Variants in PBRM1 observed in about 807,000 individuals in gnomAD.
PBRM1 encodes the protein protein polybromo-1.
PBRM1 carries 27 observed loss-of-function variants against 194.5 expected under a neutral mutation model. The observed-to-expected ratio is 0.14, with a 90% CI of 0.10 to 0.19. The LOEUF (loss-of-function observed/expected upper bound fraction) is 0.19. Ranked by LOEUF, PBRM1 falls within the 10% of genes least tolerant of loss-of-function variation. PBRM1 has a pLI of 1.00. For missense variants in PBRM1, 1,466 were observed against 2,077.2 expected (o/e 0.71, Z 5.72); for synonymous variants, 655 against 693.2 (o/e 0.94, Z 0.87).
intron 10 of PBRM1, 33 bp from the exon 12 acceptor site, chr3:52,634,848 C>T (rs762134043): frequency 4.9e-6 from 7 of 1,418,516 alleles, no homozygotes; most frequent in Non-Finnish European, 5.9e-6. Context: ...TATAAAGGGA[C>T]GAATGAGATG....
chr3:52,646,336 G>A (rs2096288127), intron 7 of PBRM1, among the ~76,000 whole-genome samples: 1 of 152,068 alleles, frequency 6.6e-6, no homozygotes, highest in Non-Finnish European at 1.5e-5. Flanking sequence ...AATGATACAC[G>A]ATTAATTCAA....
At chr3:52,622,328 A>C (rs1229460202) in intron 13 of PBRM1, among the ~76,000 whole-genome samples, 1 of 149,144 alleles carries the variant, frequency 6.7e-6, no homozygotes, top group Admixed American at 7.0e-5. Flanking sequence ...ACAGGGAGAG[A>C]CTCCATCTCA....
chr3:52,579,210 G>A lies in PBRM1; in HGVS notation c.3388-11C>T, dbSNP rs1183548426. 1 of 1,612,902 alleles carries A rather than the reference G, an allele frequency of 6.2e-7. No homozygotes were observed. The highest frequency in any genetic ancestry group is 8.5e-7 in the Non-Finnish European group (1 of 1,178,912). On this transcript the variant is annotated splice_polypyrimidine_tract_variant and intron_variant, in intron 20 of 29. Transcript: ENST00000296302. ...GACATCTTCTTTTTCCTGTTGTAAA[G>A]AAAACTGGCTGAAGAAAGGTAGTTG...
chr3:52,609,847 C>T lies in PBRM1; in HGVS notation c.2033G>A (p.Arg678His), dbSNP rs1187519621. 4 of 1,613,080 alleles carry T rather than the reference C, an allele frequency of 2.5e-6. No homozygotes were observed. Among genetic ancestry groups the T allele is most frequent in the Non-Finnish European group, 3.4e-6 (4 of 1,179,512 alleles). Reference sequence around the variant, plus strand: ...CCTCAGAAATATGGCACTGAGGCGGCGACCCCTCTTATCAGTATAGTTCTT... The same window carrying T: ...CCTCAGAAATATGGCACTGAGGCGGTGACCCCTCTTATCAGTATAGTTCTT... The change falls in exon 16 of 30, where the codon CGC (arginine) becomes CAC (histidine). Residue 678 changes from arginine to histidine, a missense_variant. By Grantham distance (29) the Arg-to-His change is conservative (BLOSUM62 0). This residue lies in a region of PBRM1 where 687 missense variants were observed against 946.2 expected (regional missense o/e 0.73). Transcript: ENST00000296302. This position sits in a 1 kb window ranked among gnomAD's most constrained non-coding sequence, Gnocchi z 4.1.
At chr3:52,586,617 G>T (rs1416500812) in exon 20 of PBRM1, 2 of 1,613,758 alleles carry the variant, frequency 1.2e-6, no homozygotes, top group Non-Finnish European at 1.7e-6. Context: ...ATTTGGTTTT[G>T]GCAGAATACC....
intron 17 of PBRM1, among the ~76,000 whole-genome samples, chr3:52,590,386 G>A (rs1217548337): frequency 1.3e-5 from 2 of 151,886 alleles, no homozygotes; most frequent in African/African-American, 4.8e-5. Flanking sequence ...AACCTGGGAG[G>A]TGAATGTTGT....
intron 2 of PBRM1, among the ~76,000 whole-genome samples, chr3:52,672,491 C>CTTTTTTT (rs34792299): frequency 4.8e-5 from 5 of 103,858 alleles, no homozygotes; most frequent in Admixed American, 1.2e-4. Flanking sequence ...TTTTTTTTGG[C>CTTTTTTT]TTTTTTTTTT....
intron 3 of PBRM1, among the ~76,000 whole-genome samples, chr3:52,667,573 T>C (rs1202880874): frequency 6.6e-6 from 1 of 151,130 alleles, no homozygotes. Flanking sequence ...GCCAACATGG[T>C]GAAACCCCAT....
At chr3:52,678,471 G>T (rs760713873) in intron 2 of PBRM1, 29 bp downstream of exon 3, 6 of 1,430,934 alleles carry the variant, frequency 4.2e-6, no homozygotes, top group Non-Finnish European at 5.9e-6. Context: ...CAAATCCCCC[G>T]CAACTGTACT....
intron 22 of PBRM1, among the ~76,000 whole-genome samples, chr3:52,570,164 A>G (rs9758945): frequency 0.42 from 63,193 of 151,930 alleles, 13,380 homozygotes; most frequent in Admixed American, 0.5. Context: ...TTTAGTAGAG[A>G]CAGAGTTTCA....
intron 25 of PBRM1, chr3:52,560,785 A>G (rs1422900510): frequency 6.6e-6 from 1 of 152,228 alleles, no homozygotes; most frequent in Non-Finnish European, 1.5e-5. Flanking sequence ...AGCCTGTCAG[A>G]TAATTTCATA....
chr3:52,611,132 G>T (rs927322102), intron 15 of PBRM1, among the ~76,000 whole-genome samples: 1 of 151,984 alleles, frequency 6.6e-6, no homozygotes, highest in Non-Finnish European at 1.5e-5. Context: ...ACTGGTAAAG[G>T]TGAAAACAAA....
intron 20 of PBRM1, among the ~76,000 whole-genome samples, chr3:52,581,008 A>G (rs1288479711): frequency 1.3e-5 from 2 of 152,256 alleles, no homozygotes; most frequent in Non-Finnish European, 2.9e-5. Context: ...TAATCGGCAC[A>G]AGGCTAGATG....
intron 2 of PBRM1, among the ~76,000 whole-genome samples, chr3:52,670,501 T>TTC (rs1201647551): frequency 6.6e-6 from 1 of 152,220 alleles, no homozygotes; most frequent in Non-Finnish European, 1.5e-5. Flanking sequence ...ATATTGTATG[T>TTC]TCTTTCAAAA....
intron 2 of PBRM1, among the ~76,000 whole-genome samples, chr3:52,669,913 T>C (rs939941217): frequency 7.9e-5 from 12 of 152,082 alleles, no homozygotes; most frequent in Non-Finnish European, 4.4e-5. Context: ...GGAACTCTTT[T>C]CAACCAAAAA....
At chr3:52,591,420 G>A (rs895750386) in intron 17 of PBRM1, among the ~76,000 whole-genome samples, 9 of 150,414 alleles carry the variant, frequency 6.0e-5, no homozygotes, top group African/African-American at 9.8e-5. Flanking sequence ...TTATTTAGAA[G>A]TATGTTTCTT....
At chr3:52,650,657 C>A (rs933279263) in intron 6 of PBRM1, among the ~76,000 whole-genome samples, 2 of 152,114 alleles carry the variant, frequency 1.3e-5, no homozygotes, top group Non-Finnish European at 2.9e-5. Flanking sequence ...TTATGAGGAC[C>A]TCATGCTGTA....
chr3:52,622,766 T>G (rs1320353373), intron 13 of PBRM1, among the ~76,000 whole-genome samples: 1 of 152,214 alleles, frequency 6.6e-6, no homozygotes, highest in Non-Finnish European at 1.5e-5. Flanking sequence ...CATGCCACAA[T>G]GTAAGTCCTT....
chr3:52,658,158 C>A, intron 5 of PBRM1, 41 bp downstream of exon 6: 1 of 934,056 alleles, frequency 1.1e-6, no homozygotes, highest in South Asian at 1.3e-5. Flanking sequence ...GTACTAAAAA[C>A]AAAACACTGA....
Sources: gnomAD v4.1 joint callset for allele counts (sites outside exome capture counted in the v4.1 genomes callset) on GRCh38, gnomAD v4.1.1 for gene constraint, gnomAD v4.1.1 regional missense constraint, Gnocchi (gnomAD v3.1) non-coding constraint, MANE v1.5 for transcripts, NCBI Gene and HGNC (gene_info 2026-07-23, HGNC 2026-07-21) for gene names.